GAB1: variants seen among roughly 807,000 people sequenced by gnomAD.
GAB1 encodes the protein GRB2 associated binding protein 1.
GAB1 carries 19 observed loss-of-function variants against 66.5 expected under a neutral mutation model. The observed-to-expected ratio is 0.29, with a 90% CI of 0.20 to 0.42. The LOEUF (loss-of-function observed/expected upper bound fraction) is 0.42, where lower values mean the gene tolerates loss of function less well. Ranked by LOEUF, GAB1 falls within the 10% of genes least tolerant of loss-of-function variation. GAB1 has a pLI of 1.00. For synonymous variants in GAB1, 294 were observed against 301.4 expected, an observed-to-expected ratio of 0.98 and a Z score of 0.25; for missense variants, 732 against 858.5, an observed-to-expected ratio of 0.85 and a Z score of 1.84.
intron 2 of GAB1, among the ~76,000 whole-genome samples, chr4:143,416,590 A>G (rs1203709850): frequency 6.6e-6 from 1 of 152,116 alleles, no homozygotes; most frequent in Non-Finnish European, 1.5e-5. Flanking sequence ...CCTGGCCAAC[A>G]TGGTGAAATT....
rs1728681273 is a variant in GAB1 at position 143,337,187 on chromosome 4, C to G, written c.-2C>G. 1.9e-6 allele frequency: 3 copies of G among 1,576,612 alleles called. No homozygotes were observed. Among genetic ancestry groups the G allele is most frequent in the Non-Finnish European group, 2.6e-6 (3 of 1,160,838 alleles). On this transcript the variant is annotated 5_prime_UTR_variant, in exon 1 of 10. Transcript: ENST00000262994. Reference sequence around the variant, plus strand: ...CGGCCCGGAGCCCGAGACGCGCGCACCATGAGCGGTGGTGAAGTGGTCTGC... The same window carrying G: ...CGGCCCGGAGCCCGAGACGCGCGCAGCATGAGCGGTGGTGAAGTGGTCTGC...
chr4:143,439,596 G>A, intron 4 of GAB1: 2 of 507,982 alleles, frequency 3.9e-6, no homozygotes, highest in Non-Finnish European at 7.1e-6. Flanking sequence ...TATTGGTATT[G>A]GTTAGCATAT....
At position 143,337,158 on chromosome 4, in the gene GAB1, T is replaced by G. The variant is rs773465905; in HGVS notation, c.-31T>G. ...GGGAGCGCGCCCGCCGCCCCTCAGC[T>G]GCCCGGCCCGGAGCCCGAGACGCGC... On this transcript the variant is annotated 5_prime_UTR_variant, in exon 1 of 10. Transcript: ENST00000262994. 1 of 1,554,742 alleles carries G rather than the reference T, an allele frequency of 6.4e-7. No homozygotes were observed. Among genetic ancestry groups the G allele is most frequent in the South Asian group, 1.2e-5 (1 of 84,526 alleles).
At chr4:143,370,701 C>T (rs1730082436) in intron 1 of GAB1, among the ~76,000 whole-genome samples, 1 of 152,116 alleles carries the variant, frequency 6.6e-6, no homozygotes, top group African/African-American at 2.4e-5. Flanking sequence ...CTCCCCGCTC[C>T]CCTGACCCCA....
At chr4:143,466,929 CTTA>C (rs529518347) in intron 9 of GAB1, among the ~76,000 whole-genome samples, 95 of 152,282 alleles carry the variant, frequency 6.2e-4, no homozygotes, top group African/African-American at 2.1e-3. Flanking sequence ...TATTACTGCT[CTTA>C]TTATATAACA....
intron 1 of GAB1, among the ~76,000 whole-genome samples, chr4:143,364,378 G>T (rs563887938): frequency 2.6e-5 from 4 of 152,256 alleles, no homozygotes; most frequent in African/African-American, 7.2e-5. Flanking sequence ...AAGCATCATG[G>T]TAATTAAACT....
At chr4:143,350,042 G>A in intron 1 of GAB1, 2 of 1,545,456 alleles carry the variant, frequency 1.3e-6, no homozygotes, top group Non-Finnish European at 1.7e-6. Context: ...AAACCTCCGC[G>A]GAAGCCACCG....
intron 1 of GAB1, among the ~76,000 whole-genome samples, chr4:143,389,356 CAGAT>C (rs1731073624): frequency 6.6e-6 from 1 of 152,118 alleles, no homozygotes; most frequent in Non-Finnish European, 1.5e-5. Context: ...TGTTGGGAAG[CAGAT>C]GGATGAGCAT....
chr4:143,375,038 C>T (rs6844575), intron 1 of GAB1, among the ~76,000 whole-genome samples: 1 of 152,198 alleles, frequency 6.6e-6, no homozygotes, highest in Non-Finnish European at 1.5e-5. Flanking sequence ...ACCTCCGCCC[C>T]CTGGGCTCAA....
chr4:143,379,066 G>C (rs894631952), intron 1 of GAB1, among the ~76,000 whole-genome samples: 1 of 152,160 alleles, frequency 6.6e-6, no homozygotes, highest in Non-Finnish European at 1.5e-5. Flanking sequence ...GAAAAAAAGG[G>C]GGACTCAGTG....
chr4:143,442,972 A>G (rs1242093830), intron 6 of GAB1, among the ~76,000 whole-genome samples: 1 of 151,810 alleles, frequency 6.6e-6, no homozygotes, highest in East Asian at 1.9e-4. Flanking sequence ...TCCTGAAGTC[A>G]TAGTATTCAA....
chr4:143,451,506 TAAGTC>T (rs1174505537), intron 6 of GAB1, among the ~76,000 whole-genome samples: 2 of 152,216 alleles, frequency 1.3e-5, no homozygotes, highest in African/African-American at 4.8e-5. Context: ...ATTTAAATCT[TAAGTC>T]AAGCTTTGGG....
chr4:143,445,928 T>G (rs1370224911), intron 6 of GAB1, among the ~76,000 whole-genome samples: 1 of 152,208 alleles, frequency 6.6e-6, no homozygotes, highest in Non-Finnish European at 1.5e-5. Flanking sequence ...TATCTCCTAA[T>G]GCTATCCTTC....
intron 1 of GAB1, chr4:143,349,877 T>C: frequency 6.3e-7 from 1 of 1,583,350 alleles, no homozygotes; most frequent in Non-Finnish European, 8.6e-7. Flanking sequence ...AAAAAGTCAA[T>C]GATCTCTGAT....
chr4:143,460,392 C>A lies in GAB1; in HGVS notation c.1708C>A (p.Pro570Thr). The A allele has an allele frequency of 6.2e-7, 1 of 1,613,614 alleles. No individual in the cohort carries two copies. The highest frequency in any genetic ancestry group is 8.5e-7 in the Non-Finnish European group (1 of 1,179,654). ...TTCCAGGTTTCCCATGTCCCCCCGA[C>A]CAGATTCAGTGCATAGCACAACTTC... is the stretch of plus-strand genomic sequence containing the variant. ...DSSRFPMSPR[P>T]DSVHSTTSSS... The change falls in exon 8 of 10, where the codon CCA (proline) becomes ACA (threonine). Residue 570 changes from proline to threonine, a missense_variant. By Grantham distance (38) the Pro-to-Thr change is conservative. Around this residue, in one of 4 missense-constraint regions of GAB1, gnomAD observed 204 missense variants for 276.8 expected, o/e 0.74. Coordinates refer to ENST00000262994, the MANE Select transcript of GAB1 (RefSeq NM_002039.4).
chr4:143,444,438 T>G (rs7698350), intron 6 of GAB1, among the ~76,000 whole-genome samples: 2,410 of 152,272 alleles, frequency 0.016, 56 homozygotes, highest in African/African-American at 0.055. Flanking sequence ...ACCTTCAAGC[T>G]TAGATCCTTA....
rs189554834 is a variant in GAB1 at position 143,444,279 on chromosome 4, C to G, written c.1585+3897C>G. 9.9e-5 allele frequency among the ~76,000 whole-genome samples: 15 copies of G among 152,216 alleles called. No individual in the cohort carries two copies. The East Asian group carries it at 2.9e-3, about 29-fold the overall frequency. On this transcript the variant is annotated intron_variant, in intron 6 of 9. Transcript: ENST00000262994. ...AGCATGATGCAGCAGCTGTGTGAGC[C>G]CCACATGCTGTCTTTATGTTGTTAT...
chr4:143,453,571 C>G (rs575906265), intron 6 of GAB1, among the ~76,000 whole-genome samples: 2 of 152,084 alleles, frequency 1.3e-5, no homozygotes, highest in African/African-American at 4.8e-5. Flanking sequence ...TTACTGGTCA[C>G]GAAGGTAAAC....
intron 2 of GAB1, among the ~76,000 whole-genome samples, chr4:143,428,380 G>T (rs1369621967): frequency 6.6e-6 from 1 of 152,180 alleles, no homozygotes; most frequent in Non-Finnish European, 1.5e-5. Flanking sequence ...GGAGAGAAAA[G>T]GATGTCTTGT....
Sources: allele counts gnomAD v4.1 joint callset (sites outside exome capture counted in the v4.1 genomes callset), GRCh38; gene constraint gnomAD v4.1.1; regional missense constraint gnomAD v4.1.1; transcripts MANE v1.5; gene names NCBI Gene and HGNC (gene_info 2026-07-23, HGNC 2026-07-21).